The following DEUP1 variants were observed in gnomAD, a reference collection of about 807,000 sequenced individuals.
DEUP1 encodes the protein coiled-coil domain containing 67.
DEUP1 carries 82 observed loss-of-function variants against 87.4 expected under a neutral mutation model. That is an observed-to-expected ratio of 0.94 (90% CI 0.78 to 1.13). The LOEUF (loss-of-function observed/expected upper bound fraction) is 1.13, where lower values mean the gene tolerates loss of function less well. Among genes scored for constraint, DEUP1 ranks in the 50% most tolerant of loss-of-function variants. The pLI, the probability that DEUP1 is intolerant of heterozygous loss-of-function variation, is 0.00. For missense variants in DEUP1, 663 were observed against 681.5 expected, an observed-to-expected ratio of 0.97 and a Z score of 0.30; for synonymous variants, 214 against 222.7, an observed-to-expected ratio of 0.96 and a Z score of 0.35.
chr11:93,437,785 A>G lies in DEUP1; in HGVS notation c.*66A>G, dbSNP rs987852390. 2 of 812,520 alleles carry G rather than the reference A, an allele frequency of 2.5e-6. No homozygotes were observed. Among genetic ancestry groups the G allele is most frequent in the African/African-American group, 3.8e-5 (2 of 52,200 alleles). 50.3% of individuals were successfully genotyped at this position (812,520 alleles called of 1,614,324 possible). A position where few individuals can be genotyped will look rare whatever the true frequency, so the allele number is the denominator to read the frequency against. ...CCAAGAAAAAAAGCTCTGGCAAAAT[A>G]TTTACAAAGCTGATTAATGAAACCA... On this transcript the variant is annotated 3_prime_UTR_variant, in exon 14 of 14. Coordinates refer to ENST00000298050, the MANE Select transcript of DEUP1 (RefSeq NM_181645.4).
chr11:93,389,028 C>T lies in DEUP1; in HGVS notation c.944C>T (p.Ser315Leu). Residue 315 changes from serine to leucine, a missense_variant, in exon 9 of 14, where the codon TCA (serine) becomes TTA (leucine). Physicochemically the swap from Ser to Leu is moderately radical, Grantham distance 145. Transcript: ENST00000298050. ...NAQGNKTRLE[S>L]SYLPSIKEPE... ...TTATGTTTAATTTGTAGACTTGAATCATCTTATTTGCCTTCTATTAAAGAA... is the reference window on the plus strand; with the variant it reads ...TTATGTTTAATTTGTAGACTTGAATTATCTTATTTGCCTTCTATTAAAGAA... 2.0e-6 allele frequency: 3 copies of T among 1,524,750 alleles called. No individual in the cohort carries two copies. The highest frequency in any genetic ancestry group is 2.7e-6 in the Non-Finnish European group (3 of 1,111,402). The allele number at this position is 1,524,750 out of a possible 1,614,324, so 94.5% of individuals were successfully genotyped here.
intron 11 of DEUP1, among the ~76,000 whole-genome samples, chr11:93,406,385 G>A (rs12287849): frequency 0.24 from 37,089 of 151,662 alleles, 4,979 homozygotes; most frequent in Middle Eastern, 0.38. Context: ...CAACAGTGGA[G>A]AATAGATATT....
chr11:93,351,438 A>G (rs192511526), intron 2 of DEUP1, among the ~76,000 whole-genome samples: 182 of 152,284 alleles, frequency 1.2e-3, no homozygotes, highest in African/African-American at 4.0e-3. Context: ...ATGGTAATGA[A>G]CCAGACTGAT....
At chr11:93,386,672 T>A (rs1208637875) in intron 8 of DEUP1, among the ~76,000 whole-genome samples, 1 of 152,174 alleles carries the variant, frequency 6.6e-6, no homozygotes, top group Non-Finnish European at 1.5e-5. Flanking sequence ...ATGACCTATT[T>A]GTGTGTCTCA....
Position 93,415,056 on chromosome 11 carries a change from C to A in DEUP1, c.1580C>A (p.Thr527Lys), listed in dbSNP as rs773934438. ...ACAATGCCTCCCTTGCCACCTTCGA[C>A]ATTTCAAGCCAAAGAAATGACAAGT... ...RSTMPPLPPS[T>K]FQAKEMTSPL... is the part of the protein sequence containing the mutation. Residue 527 changes from threonine (T) to lysine (K), a missense_variant, in exon 13 of 14, where the codon ACA becomes AAA. By Grantham distance (78) the Thr-to-Lys change is moderately conservative. Coordinates refer to ENST00000298050, the MANE Select transcript of DEUP1 (RefSeq NM_181645.4). The A allele has an allele frequency of 4.4e-6, 7 of 1,609,076 alleles. No homozygotes were observed. In the Admixed American group the frequency reaches 8.4e-5, roughly 19 times the overall value.
intron 2 of DEUP1, among the ~76,000 whole-genome samples, chr11:93,353,578 G>T (rs953814666): frequency 6.6e-6 from 1 of 152,166 alleles, no homozygotes; most frequent in African/African-American, 2.4e-5. Context: ...TGAGGGCCCC[G>T]CCCCGAAGCA....
chr11:93,354,773 C>T (rs1217187904), intron 2 of DEUP1, among the ~76,000 whole-genome samples: 1 of 152,184 alleles, frequency 6.6e-6, no homozygotes, highest in Non-Finnish European at 1.5e-5. Context: ...CCAGTTACCT[C>T]CCCCTAGTTT....
Position 93,371,086 on chromosome 11 carries a change from T to C in DEUP1, c.595T>C (p.Leu199=). The C allele has an allele frequency of 6.2e-7, 1 of 1,612,462 alleles. No homozygotes were observed. The highest frequency in any genetic ancestry group is 8.5e-7 in the Non-Finnish European group (1 of 1,179,052). The change falls in exon 7 of 14, where the codon TTA becomes CTA. Residue 199 remains leucine (L), a synonymous_variant. Coordinates refer to ENST00000298050, the MANE Select transcript of DEUP1 (RefSeq NM_181645.4). ...TCAACTAAATGGTAAAAAACAGTGC[T>C]TAGAAGACAGCAGCTCTGAAATTCC... The part of the protein sequence containing the change: ...QTQLNGKKQC[L]EDSSSEIPRL...
chr11:93,351,754 T>C (rs1292710920), intron 2 of DEUP1, among the ~76,000 whole-genome samples: 1 of 152,228 alleles, frequency 6.6e-6, no homozygotes, highest in Non-Finnish European at 1.5e-5. Context: ...AGGAGAAGAC[T>C]TCAGAATGGC....
At chr11:93,373,664 C>G (rs1945887221) in intron 7 of DEUP1, among the ~76,000 whole-genome samples, 2 of 128,240 alleles carry the variant, frequency 1.6e-5, no homozygotes, top group Non-Finnish European at 3.2e-5. Flanking sequence ...TATATATATG[C>G]CACATTTTCT....
At chr11:93,368,562 G>A (rs190717796) in intron 5 of DEUP1, among the ~76,000 whole-genome samples, 85 of 152,236 alleles carry the variant, frequency 5.6e-4, no homozygotes, top group African/African-American at 2.0e-3. Flanking sequence ...AGAAAAGGGG[G>A]AAGTGCTACA....
intron 13 of DEUP1, among the ~76,000 whole-genome samples, chr11:93,416,405 T>G (rs1280309377): frequency 3.3e-5 from 5 of 152,248 alleles, no homozygotes; most frequent in Admixed American, 3.3e-4. Context: ...TACAAACACC[T>G]CTACGCAAAT....
chr11:93,410,228 C>A (rs1947396687), intron 12 of DEUP1, among the ~76,000 whole-genome samples: 1 of 152,012 alleles, frequency 6.6e-6, no homozygotes, highest in Non-Finnish European at 1.5e-5. Context: ...GGTAAAGAAG[C>A]GAATGAAGGA....
chr11:93,351,102 T>A (rs1251180276), intron 2 of DEUP1, among the ~76,000 whole-genome samples: 1 of 150,582 alleles, frequency 6.6e-6, no homozygotes, highest in East Asian at 1.9e-4. Context: ...AAAATATATA[T>A]GTATTCATAG....
chr11:93,372,410 G>T (rs1372664629), intron 7 of DEUP1, among the ~76,000 whole-genome samples: 1 of 152,048 alleles, frequency 6.6e-6, no homozygotes, highest in African/African-American at 2.4e-5. Context: ...TAAGGTCACT[G>T]CCTGAGAACT....
chr11:93,417,390 A>G (rs1430473998), intron 13 of DEUP1, among the ~76,000 whole-genome samples: 1 of 151,316 alleles, frequency 6.6e-6, no homozygotes, highest in African/African-American at 2.4e-5. Context: ...CCAATAACAG[A>G]CAAACAGAGA....
intron 11 of DEUP1, among the ~76,000 whole-genome samples, chr11:93,403,370 T>G (rs1947180733): frequency 6.6e-6 from 1 of 151,988 alleles, no homozygotes; most frequent in African/African-American, 2.4e-5. Flanking sequence ...TTTAGAGTAC[T>G]TGGTATATCC....
In DEUP1 at chr11:93,405,932, G is replaced by A. The variant is rs565738109; in HGVS notation, c.1327-2299G>A. On this transcript the variant is annotated intron_variant, in intron 11 of 13. Coordinates refer to ENST00000298050, the MANE Select transcript of DEUP1 (RefSeq NM_181645.4). Reference sequence around the variant, plus strand: ...TATTTTTGTATGCTAAAATATTACCGTTTTGAAAACATAGAACTATTGTTT... The same window carrying A: ...TATTTTTGTATGCTAAAATATTACCATTTTGAAAACATAGAACTATTGTTT... Among the ~76,000 whole-genome samples, 199 of 152,000 alleles carry A rather than the reference G, an allele frequency of 1.3e-3. 1 individual carries two copies. The highest frequency in any genetic ancestry group is 4.6e-3 in the African/African-American group (189 of 41,530).
intron 7 of DEUP1, among the ~76,000 whole-genome samples, chr11:93,382,866 G>A (rs946525066): frequency 2.0e-5 from 3 of 152,064 alleles, no homozygotes; most frequent in Non-Finnish European, 2.9e-5. Flanking sequence ...TGTTCAAAAC[G>A]GAGGCTTTAT....
Sources: gnomAD v4.1 joint callset for allele counts (sites outside exome capture counted in the v4.1 genomes callset) on GRCh38, gnomAD v4.1.1 for gene constraint, MANE v1.5 for transcripts, NCBI Gene and HGNC (gene_info 2026-07-23, HGNC 2026-07-21) for gene names.